Variants in HSD11B1 observed in about 807,000 individuals in gnomAD.
HSD11B1 encodes hydroxysteroid 11-beta dehydrogenase 1, also known as 11-beta-hydroxysteroid dehydrogenase 1.
A neutral mutation model predicts 22.1 loss-of-function variants in HSD11B1; 15 were observed. That is an observed-to-expected ratio of 0.68 (90% CI 0.45 to 1.04). The LOEUF is 1.04. Among genes scored for constraint, HSD11B1 ranks in the 50% least tolerant of loss-of-function variants. HSD11B1 has a pLI of 0.00. For synonymous variants in HSD11B1, 122 were observed against 125.2 expected, an observed-to-expected ratio of 0.97 and a Z score of 0.17; for missense variants, 281 against 357.6, an observed-to-expected ratio of 0.79 and a Z score of 1.73.
At chr1:209,699,073 C>T (rs1447029435) in intron 1 of HSD11B1, among the ~76,000 whole-genome samples, 3 of 152,130 alleles carry the variant, frequency 2.0e-5, no homozygotes, top group African/African-American at 7.2e-5. Flanking sequence ...GAGAACTTCT[C>T]CCCTCGTTAG....
Position 209,707,011 on chromosome 1 carries a change from C to A in HSD11B1, c.400C>A (p.His134Asn). ...TSLNLFHDDI[H>N]HVRKSMEVNF... Reference sequence around the variant, plus strand: ...TTTGAATCTTTTTCATGATGATATTCACCATGTGCGCAAAAGCATGGAAGT... The same window carrying A: ...TTTGAATCTTTTTCATGATGATATTAACCATGTGCGCAAAAGCATGGAAGT... The change falls in exon 4 of 6, where the codon CAC becomes AAC. Residue 134 changes from histidine (H) to asparagine (N), a missense_variant. By Grantham distance (68) the His-to-Asn change is moderately conservative (BLOSUM62 1). Coordinates refer to ENST00000367027, the MANE Select transcript of HSD11B1 (RefSeq NM_005525.4). 6.2e-7 allele frequency: 1 copy of A among 1,614,104 alleles called. No individual in the cohort carries two copies. The highest frequency in any genetic ancestry group is 8.5e-7 in the Non-Finnish European group (1 of 1,179,946).
intron 4 of HSD11B1, among the ~76,000 whole-genome samples, chr1:209,721,268 T>A (rs1002266002): frequency 1.3e-5 from 2 of 152,114 alleles, no homozygotes; most frequent in Non-Finnish European, 2.9e-5. Flanking sequence ...AATTCCCTCA[T>A]TTTGATGACT....
chr1:209,704,134 C>T (rs2076841556), upstream of HSD11B1, among the ~76,000 whole-genome samples: 2 of 152,190 alleles, frequency 1.3e-5, no homozygotes, highest in Non-Finnish European at 2.9e-5. Flanking sequence ...TGTTGCTCTA[C>T]AGCATTTACA....
intron 5 of HSD11B1, among the ~76,000 whole-genome samples, chr1:209,733,809 C>T (rs1223782672): frequency 6.6e-6 from 1 of 152,040 alleles, no homozygotes; most frequent in African/African-American, 2.4e-5. Flanking sequence ...GCAAGATGGA[C>T]ATGAAAACTT....
At chr1:209,720,871 C>T (rs2076960730) in intron 4 of HSD11B1, among the ~76,000 whole-genome samples, 1 of 152,160 alleles carries the variant, frequency 6.6e-6, no homozygotes, top group Non-Finnish European at 1.5e-5. Flanking sequence ...CCTGTGAATG[C>T]AACCTTATTT....
intron 4 of HSD11B1, among the ~76,000 whole-genome samples, chr1:209,714,203 CA>C (rs1331798122): frequency 1.3e-5 from 2 of 152,076 alleles, no homozygotes; most frequent in African/African-American, 4.8e-5. Flanking sequence ...AACAAACAAA[CA>C]AACAAAAACT....
chr1:209,691,104 A>G lies in HSD11B1; in HGVS notation c.-49+4819A>G, dbSNP rs2076757245. 2.6e-5 allele frequency among the ~76,000 whole-genome samples: 4 copies of G among 152,226 alleles called. No homozygotes were observed. In the South Asian group the frequency reaches 8.3e-4, roughly 31 times the overall value. ...ATAGTTCACAAACCAAGGGTCAGAAATCTGAACAGCAGTTGGACCTCTCAG... is the reference window on the plus strand; with the variant it reads ...ATAGTTCACAAACCAAGGGTCAGAAGTCTGAACAGCAGTTGGACCTCTCAG... On this transcript the variant is annotated intron_variant, in intron 1 of 6. Transcript: ENST00000261465.
chr1:209,705,190 G>A (rs535450682), intron 1 of HSD11B1, among the ~76,000 whole-genome samples, 160 bp downstream of exon 1: 10 of 152,274 alleles, frequency 6.6e-5, no homozygotes, highest in African/African-American at 2.4e-4. Context: ...GCTACAGGCT[G>A]TGGACAGGGG....
chr1:209,720,227 T>C (rs968260225), intron 4 of HSD11B1, among the ~76,000 whole-genome samples: 4 of 152,188 alleles, frequency 2.6e-5, no homozygotes, highest in Admixed American at 6.5e-5. Flanking sequence ...TGATCATGGT[T>C]TATTAACATC....
At chr1:209,724,015 A>G (rs554366208) in intron 4 of HSD11B1, 59 of 152,428 alleles carry the variant, frequency 3.9e-4, no homozygotes, top group Non-Finnish European at 7.0e-4. Flanking sequence ...TGGGAATACA[A>G]GAGAATACAC....
At chr1:209,713,205 T>C (rs570074966) in intron 4 of HSD11B1, among the ~76,000 whole-genome samples, 8 of 152,334 alleles carry the variant, frequency 5.3e-5, no homozygotes, top group Non-Finnish European at 1.0e-4. Flanking sequence ...TGTCTGGCAG[T>C]AGGAAAATAA....
intron 4 of HSD11B1, among the ~76,000 whole-genome samples, chr1:209,717,263 AAAAGACATAGAACATAT>A (rs1193831390): frequency 1.3e-5 from 2 of 152,236 alleles, no homozygotes; most frequent in African/African-American, 4.8e-5. Flanking sequence ...ATCTCTCAAA[AAAAGACATAGAACATAT>A]AAATGGTTAA....
chr1:209,723,424 A>C (rs1258187809), intron 4 of HSD11B1, among the ~76,000 whole-genome samples: 1 of 152,224 alleles, frequency 6.6e-6, no homozygotes, highest in East Asian at 1.9e-4. Flanking sequence ...GGGTGCAATC[A>C]GAAAACAAGT....
intron 1 of HSD11B1, among the ~76,000 whole-genome samples, chr1:209,698,705 A>G (rs1035248304): frequency 6.6e-6 from 1 of 152,246 alleles, no homozygotes; most frequent in Non-Finnish European, 1.5e-5. Context: ...CAACTACAAC[A>G]TGCTTAGAAC....
At chr1:209,686,262 G>T (rs1485093666), upstream of HSD11B1, 1 of 152,200 alleles carries the variant, frequency 6.6e-6, no homozygotes. Context: ...ATAAAAAGAA[G>T]TCAGATTTGT....
chr1:209,725,882 C>A (rs1325980735), intron 4 of HSD11B1, among the ~76,000 whole-genome samples: 1 of 152,122 alleles, frequency 6.6e-6, no homozygotes. Flanking sequence ...ATTTACAGAT[C>A]AATAGCAGGT....
chr1:209,702,838 A>G (rs186547374), upstream of HSD11B1, among the ~76,000 whole-genome samples: 14 of 152,368 alleles, frequency 9.2e-5, no homozygotes, highest in Admixed American at 7.8e-4. Flanking sequence ...ATCAACTACC[A>G]TTACACAGTG....
At chr1:209,720,074 G>A (rs1035954237) in intron 4 of HSD11B1, among the ~76,000 whole-genome samples, 1 of 152,072 alleles carries the variant, frequency 6.6e-6, no homozygotes, top group Admixed American at 6.6e-5. Context: ...TCATGCACAC[G>A]TACCCCAGAA....
At chr1:209,704,765 A>C (rs1571871060), upstream of HSD11B1, 4 of 603,134 alleles carry the variant, frequency 6.6e-6, no homozygotes, top group Non-Finnish European at 1.2e-5. Flanking sequence ...ATGGGATCCC[A>C]CCCAAAGCCA....
Sources: gnomAD v4.1 joint callset for allele counts (sites outside exome capture counted in the v4.1 genomes callset) on GRCh38, gnomAD v4.1.1 for gene constraint, MANE v1.5 for transcripts, NCBI Gene and HGNC (gene_info 2026-07-23, HGNC 2026-07-21) for gene names.